The following B3GALT5 variants were observed in gnomAD, a reference collection of about 807,000 sequenced individuals.
The protein encoded by B3GALT5 is UDP-Gal:betaGlcNAc beta 1,3-galactosyltransferase, polypeptide 5.
For synonymous variants in B3GALT5, 156 were observed against 158.6 expected (o/e 0.98, Z 0.12); for missense variants, 328 against 396.6 (o/e 0.83, Z 1.47).
intron 1 of B3GALT5, among the ~76,000 whole-genome samples, chr21:39,644,994 C>G (rs1569214808): frequency 6.6e-6 from 1 of 152,032 alleles, no homozygotes; most frequent in Non-Finnish European, 1.5e-5. Flanking sequence ...GATGATTGGC[C>G]CAAATTATGA....
chr21:39,661,368 G>A lies in B3GALT5; in HGVS notation c.809G>A (p.Gly270Asp). 6.2e-7 allele frequency: 1 copy of A among 1,606,872 alleles called. No individual in the cohort carries two copies. The highest frequency in any genetic ancestry group is 1.1e-5 in the South Asian group (1 of 89,416). ...LHSQPTFFPG[G>D]LRFSVCLFRR... The stretch of plus-strand genomic sequence containing the variant: ...TCCCAGCCGACCTTTTTTCCAGGGG[G>A]CTTACGCTTCTCCGTATGCCTCTTC... Residue 270 changes from glycine to aspartate, a missense_variant, in exon 4 of 4, where the codon GGC becomes GAC. Coordinates refer to ENST00000684187, the MANE Select transcript of B3GALT5 (RefSeq NM_001356336.2). This position sits in a 1 kb window ranked among gnomAD's most constrained non-coding sequence, Gnocchi z 4.7.
At chr21:39,639,507 ACTCC>A (rs2079273001) in intron 1 of B3GALT5, among the ~76,000 whole-genome samples, 1 of 107,940 alleles carries the variant, frequency 9.3e-6, no homozygotes, top group Admixed American at 1.0e-4. Flanking sequence ...TTTGACAGAG[ACTCC>A]CTCTGTCACC....
intron 2 of B3GALT5, among the ~76,000 whole-genome samples, chr21:39,650,422 G>A (rs74383926): frequency 0.17 from 26,557 of 152,140 alleles, 2,363 homozygotes; most frequent in Admixed American, 0.19. Context: ...AATACCTCAC[G>A]GAGCTTCCTG....
chr21:39,643,590 C>T (rs2079310342), intron 1 of B3GALT5, among the ~76,000 whole-genome samples: 1 of 152,218 alleles, frequency 6.6e-6, no homozygotes, highest in Non-Finnish European at 1.5e-5. Flanking sequence ...TTTGCGTTTC[C>T]TCTTTCATTT....
chr21:39,650,157 G>A (rs989985760), intron 2 of B3GALT5, among the ~76,000 whole-genome samples: 1 of 152,184 alleles, frequency 6.6e-6, no homozygotes, highest in African/African-American at 2.4e-5. Flanking sequence ...GCAGGGCTCT[G>A]CTTCTCCACT....
At chr21:39,651,986 A>G (rs1488406193) in intron 2 of B3GALT5, among the ~76,000 whole-genome samples, 2 of 152,196 alleles carry the variant, frequency 1.3e-5, no homozygotes, top group Middle Eastern at 6.3e-3. Flanking sequence ...GAAAGGACCC[A>G]TGATGTAAGG....
intron 1 of B3GALT5, among the ~76,000 whole-genome samples, chr21:39,632,062 C>T (rs138698637): frequency 4.6e-5 from 7 of 152,254 alleles, no homozygotes; most frequent in Non-Finnish European, 7.4e-5. Context: ...AGTGTCGGAG[C>T]GGAACTATTG....
At chr21:39,643,575 T>C (rs1354476031) in intron 1 of B3GALT5, among the ~76,000 whole-genome samples, 1 of 152,228 alleles carries the variant, frequency 6.6e-6, no homozygotes, top group Non-Finnish European at 1.5e-5. Context: ...TTTCTTCTGG[T>C]TGAATTTGCG....
At chr21:39,638,827 A>C (rs912923964) in intron 1 of B3GALT5, among the ~76,000 whole-genome samples, 2 of 152,132 alleles carry the variant, frequency 1.3e-5, no homozygotes, top group African/African-American at 4.8e-5. Context: ...GGCATGGAAG[A>C]AGCGAGTCAC....
At chr21:39,639,288 C>CTTTCTTTCTTTCTT (rs1491416648) in intron 1 of B3GALT5, among the ~76,000 whole-genome samples, 2 of 98,524 alleles carry the variant, frequency 2.0e-5, no homozygotes, top group East Asian at 3.4e-4. Flanking sequence ...AGGCATCTGG[C>CTTTCTTTCTTTCTT]TCTTTCTTTC....
chr21:39,661,303 C>T lies in B3GALT5; in HGVS notation c.744C>T (p.Leu248=). 1 of 1,614,206 alleles carries T rather than the reference C, an allele frequency of 6.2e-7. No individual in the cohort carries two copies. The highest frequency in any genetic ancestry group is 8.5e-7 in the Non-Finnish European group (1 of 1,180,038). Residue 248 remains leucine (L), a synonymous_variant, in exon 4 of 4, where the codon CTC becomes CTT. Coordinates refer to ENST00000684187, the MANE Select transcript of B3GALT5 (RefSeq NM_001356336.2). This position sits in a 1 kb window ranked among gnomAD's most constrained non-coding sequence, Gnocchi z 4.7. ...AACTGGAAGACGTGTTTGTGGGGCT[C>T]TGCCTCGAAAGGCTGAACATCAGAT... is the stretch of plus-strand genomic sequence containing the variant. ...YIKLEDVFVG[L]CLERLNIRLE...
chr21:39,616,904 G>A (rs1264507277), intron 1 of B3GALT5, among the ~76,000 whole-genome samples: 1 of 152,178 alleles, frequency 6.6e-6, no homozygotes, highest in Non-Finnish European at 1.5e-5. Context: ...ATGTAACTTG[G>A]AGGCATTACA....
At chr21:39,645,820 C>G (rs2079332723) in intron 1 of B3GALT5, among the ~76,000 whole-genome samples, 1 of 152,096 alleles carries the variant, frequency 6.6e-6, no homozygotes, top group Non-Finnish European at 1.5e-5. Context: ...GTCAGCATCC[C>G]TGTTAGCCAA....
chr21:39,658,315 T>C (rs1973879144), intron 2 of B3GALT5, among the ~76,000 whole-genome samples: 1 of 152,092 alleles, frequency 6.6e-6, no homozygotes, highest in South Asian at 2.1e-4. Flanking sequence ...ATGCACTGCA[T>C]GAGGTGAGCG....
intron 1 of B3GALT5, among the ~76,000 whole-genome samples, chr21:39,627,879 A>C (rs1024649024): frequency 6.6e-6 from 1 of 152,182 alleles, no homozygotes; most frequent in African/African-American, 2.4e-5. Flanking sequence ...TAAAATACTA[A>C]ACATTTTCAT....
At chr21:39,656,894 C>G (rs1336493851) in intron 2 of B3GALT5, among the ~76,000 whole-genome samples, 1 of 152,216 alleles carries the variant, frequency 6.6e-6, no homozygotes, top group Non-Finnish European at 1.5e-5. Context: ...TACCCAGCAA[C>G]CAGCTTGTGC....
chr21:39,631,868 A>G (rs2079193970), intron 1 of B3GALT5, among the ~76,000 whole-genome samples: 1 of 152,176 alleles, frequency 6.6e-6, no homozygotes, highest in South Asian at 2.1e-4. Context: ...TGTCAGGGAA[A>G]TGTCACTGAG....
intron 2 of B3GALT5, among the ~76,000 whole-genome samples, chr21:39,648,369 G>A (rs900025508): frequency 5.3e-5 from 8 of 152,316 alleles, no homozygotes; most frequent in African/African-American, 1.9e-4. Context: ...ACAGGACAGA[G>A]CCTGAATGGG....
rs1381850671 is a variant in B3GALT5 at position 39,669,587 on chromosome 21, G to C, written c.*8095G>C. On this transcript the variant is annotated 3_prime_UTR_variant, in exon 4 of 4. Coordinates refer to ENST00000684187, the MANE Select transcript of B3GALT5 (RefSeq NM_001356336.2). Reference sequence around the variant, plus strand: ...GACAGCTGAATAAAGAAGCGTTCCAGTGCCTTCTCTGTGGGCATCGTAAGC... The same window carrying C: ...GACAGCTGAATAAAGAAGCGTTCCACTGCCTTCTCTGTGGGCATCGTAAGC... 6.6e-6 allele frequency: 1 copy of C among 152,162 alleles called. No individual in the cohort carries two copies. The highest frequency in any genetic ancestry group is 1.5e-5 in the Non-Finnish European group (1 of 68,064). 9.4% of individuals were successfully genotyped at this position (152,162 alleles called of 1,614,324 possible). A position where few individuals can be genotyped will look rare whatever the true frequency, so the allele number is the denominator to read the frequency against.
Sources: gnomAD v4.1 joint callset for allele counts (sites outside exome capture counted in the v4.1 genomes callset) on GRCh38, gnomAD v4.1.1 for gene constraint, Gnocchi (gnomAD v3.1) non-coding constraint, MANE v1.5 for transcripts, NCBI Gene and HGNC (gene_info 2026-07-23, HGNC 2026-07-21) for gene names.